The following PCDHGA1 variants were observed in gnomAD, a reference collection of about 807,000 sequenced individuals.
PCDHGA1 encodes protocadherin gamma subfamily A, 1, also known as protocadherin gamma-A1.
Under a neutral mutation model 58.0 loss-of-function variants are expected in PCDHGA1, and 32 were observed. The ratio of observed to expected loss-of-function variants is 0.55; its 90% CI spans 0.42 to 0.74. The LOEUF (loss-of-function observed/expected upper bound fraction) is 0.74. Among genes scored for constraint, PCDHGA1 ranks in the 30% least tolerant of loss-of-function variants. PCDHGA1 has a pLI of 0.00. For missense variants in PCDHGA1, 1,205 were observed against 1,182.3 expected (o/e 1.02, Z -0.28); for synonymous variants, 498 against 501.1 (o/e 0.99, Z 0.08).
At chr5:141,387,386 A>G (rs1451460616) in intron 1 of PCDHGA1, among the ~76,000 whole-genome samples, 14 of 152,232 alleles carry the variant, frequency 9.2e-5, no homozygotes, top group Non-Finnish European at 1.5e-5. Flanking sequence ...TTATATAGAT[A>G]GTGCATGTTT....
intron 1 of PCDHGA1, chr5:141,384,682 G>C (rs1780361260): frequency 6.2e-7 from 1 of 1,614,222 alleles, no homozygotes; most frequent in Non-Finnish European, 8.5e-7. Context: ...GGTGGCGGTG[G>C]ACAAAGATTC....
At chr5:141,421,754 A>G (rs1230343518) in intron 1 of PCDHGA1, 4 of 1,613,918 alleles carry the variant, frequency 2.5e-6, no homozygotes, top group East Asian at 2.2e-5. Context: ...CTCAGCCCTA[A>G]TAATTACTTT....
Position 141,494,770 on chromosome 5 carries a change from C to T in PCDHGA1, c.2422-37C>T, listed in dbSNP as rs767006872. 43 of 1,614,022 alleles carry T rather than the reference C, an allele frequency of 2.7e-5. No homozygotes were observed. In the East Asian group the frequency reaches 7.6e-4, roughly 28 times the overall value. On this transcript the variant is annotated intron_variant, in intron 1 of 3. Coordinates refer to ENST00000517417, the MANE Select transcript of PCDHGA1 (RefSeq NM_018912.3). ...GCTCGGGTGACATTCTAACTTCTCA[C>T]GGGTACTCAGCCCCTTTCCCTCTGT...
chr5:141,360,622 G>A (rs1761678618), intron 1 of PCDHGA1: 3 of 1,613,988 alleles, frequency 1.9e-6, no homozygotes, highest in Non-Finnish European at 2.5e-6. Context: ...TTCAGATGTT[G>A]GTCCTAACTC....
At chr5:141,360,583 A>G (rs769168418) in intron 1 of PCDHGA1, 1 of 1,614,004 alleles carries the variant, frequency 6.2e-7, no homozygotes, top group South Asian at 1.1e-5. Context: ...TAAGCCAGGT[A>G]CAACATTTCC....
intron 1 of PCDHGA1, chr5:141,374,626 C>G (rs748933501): frequency 9.9e-6 from 16 of 1,613,226 alleles, no homozygotes; most frequent in Admixed American, 1.7e-5. Context: ...TCTCAGTGGA[C>G]GTGCAAAGCG....
chr5:141,339,871 A>G, intron 1 of PCDHGA1: 1 of 1,614,156 alleles, frequency 6.2e-7, no homozygotes, highest in South Asian at 1.1e-5. Context: ...CATCTGGAGA[A>G]CTGACAATCA....
At chr5:141,449,369 G>A (rs561017816) in intron 1 of PCDHGA1, among the ~76,000 whole-genome samples, 4 of 152,068 alleles carry the variant, frequency 2.6e-5, no homozygotes, top group South Asian at 4.2e-4. Flanking sequence ...CACTTTGGGA[G>A]GCTGAGGCAG....
intron 1 of PCDHGA1, chr5:141,345,669 G>T: frequency 6.2e-7 from 1 of 1,614,204 alleles, no homozygotes; most frequent in Non-Finnish European, 8.5e-7. Context: ...CAGCAGCAAC[G>T]TGTCGCTGAA....
At chr5:141,433,828 ACT>A (rs1431945413) in intron 1 of PCDHGA1, among the ~76,000 whole-genome samples, 2 of 142,254 alleles carry the variant, frequency 1.4e-5, no homozygotes, top group Admixed American at 7.0e-5. Flanking sequence ...CAAGAGTGAA[ACT>A]CTATCTCAAA....
chr5:141,355,683 T>G (rs1759935832), intron 1 of PCDHGA1: 1 of 1,613,894 alleles, frequency 6.2e-7, no homozygotes, highest in East Asian at 2.2e-5. Context: ...TTGATCCGGA[T>G]GTAGGTGTAA....
chr5:141,509,371 T>C (rs2099876508), intron 3 of PCDHGA1, among the ~76,000 whole-genome samples: 1 of 152,258 alleles, frequency 6.6e-6, no homozygotes, highest in South Asian at 2.1e-4. Context: ...AGGTTTTAAC[T>C]GTCTCCTAAC....
In PCDHGA1 at chr5:141,489,412, G is replaced by C; in HGVS notation, c.2422-5395G>C. On this transcript the variant is annotated intron_variant, in intron 1 of 3. Coordinates refer to ENST00000517417, the MANE Select transcript of PCDHGA1 (RefSeq NM_018912.3). The surrounding 1 kb of genome is among the most constrained non-coding windows in gnomAD (Gnocchi z 4.5). ...TCAGGATCTGGGCTTAAAGATGACAGATCTGTTGAGCCGGCGGCTGCAATT... is the reference window on the plus strand; with the variant it reads ...TCAGGATCTGGGCTTAAAGATGACACATCTGTTGAGCCGGCGGCTGCAATT... The C allele has an allele frequency of 6.2e-7, 1 of 1,614,172 alleles. No individual in the cohort carries two copies. Among genetic ancestry groups the C allele is most frequent in the Non-Finnish European group, 8.5e-7 (1 of 1,180,040 alleles).
At chr5:141,370,782 C>G in intron 1 of PCDHGA1, 1 of 1,613,988 alleles carries the variant, frequency 6.2e-7, no homozygotes, top group Non-Finnish European at 8.5e-7. Context: ...TAACGACAAC[C>G]CACCGACCTT....
At chr5:141,399,591 G>A (rs2093843307) in intron 1 of PCDHGA1, 1 of 1,613,970 alleles carries the variant, frequency 6.2e-7, no homozygotes. Flanking sequence ...ACTCTATCAT[G>A]GCCAGCGACC....
chr5:141,341,120 C>T (rs750116599), intron 1 of PCDHGA1: 37 of 1,614,096 alleles, frequency 2.3e-5, no homozygotes, highest in Non-Finnish European at 2.7e-5. Flanking sequence ...GCACAGGCTG[C>T]GGCGCTGGCA....
At chr5:141,427,999 T>C (rs1319115693) in intron 1 of PCDHGA1, 9 of 1,601,068 alleles carry the variant, frequency 5.6e-6, no homozygotes, top group African/African-American at 1.3e-5. Context: ...GGCTCCGCAC[T>C]CTTCGATATA....
Position 141,330,955 on chromosome 5 carries a change from G to A in PCDHGA1, c.271G>A (p.Asp91Asn). ...CAGCTTGATCACCGCGCGCAGGATA[G>A]ACCGGGAGGAGCTCTGCGCTCAGAG... is the stretch of plus-strand genomic sequence containing the variant. ...SGSLITARRIDREELCAQSMP... is the reference protein window; with the variant it reads ...SGSLITARRINREELCAQSMP... The change falls in exon 1 of 4, where the codon GAC becomes AAC. Residue 91 changes from aspartate (D) to asparagine (N), a missense_variant. Asp to Asn is a conservative substitution (Grantham distance 23). Coordinates refer to ENST00000517417, the MANE Select transcript of PCDHGA1 (RefSeq NM_018912.3). The A allele has an allele frequency of 6.2e-7, 1 of 1,614,242 alleles. No individual in the cohort carries two copies. The highest frequency in any genetic ancestry group is 8.5e-7 in the Non-Finnish European group (1 of 1,180,042).
At position 141,332,567 on chromosome 5, in the gene PCDHGA1, C is replaced by T. The variant is rs747200046; in HGVS notation, c.1883C>T (p.Thr628Met). 2 of 1,612,258 alleles carry T rather than the reference C, an allele frequency of 1.2e-6. No homozygotes were observed. Among genetic ancestry groups the T allele is most frequent in the Non-Finnish European group, 1.7e-6 (2 of 1,179,802 alleles). The change falls in exon 1 of 4, where the codon ACG (threonine) becomes ATG (methionine). Residue 628 changes from threonine to methionine, a missense_variant. Transcript: ENST00000517417. This position sits in a 1 kb window ranked among gnomAD's most constrained non-coding sequence, Gnocchi z 4.6. ...SVGLHTGEVR[T>M]ARALLDRDAL... The stretch of plus-strand genomic sequence containing the variant: ...GGTCTGCACACGGGCGAGGTGCGCA[C>T]GGCGCGAGCCCTGCTGGACAGAGAC...
Sources: gnomAD v4.1 joint callset for allele counts (sites outside exome capture counted in the v4.1 genomes callset) on GRCh38, gnomAD v4.1.1 for gene constraint, Gnocchi (gnomAD v3.1) non-coding constraint, MANE v1.5 for transcripts, NCBI Gene and HGNC (gene_info 2026-07-23, HGNC 2026-07-21) for gene names.